DPYSL2: variants seen among roughly 807,000 people sequenced by gnomAD.
DPYSL2 encodes dihydropyrimidinase like 2, also known as dihydropyrimidinase-related protein 2.
In DPYSL2, 13 loss-of-function variants were observed where a neutral mutation model predicts 69.9. That is an observed-to-expected ratio of 0.19 (90% confidence interval 0.12 to 0.30). DPYSL2 has a LOEUF of 0.30. DPYSL2 is among the 10% of genes least tolerant of loss of function. DPYSL2 has a pLI of 1.00. For missense variants in DPYSL2, 587 were observed against 918.9 expected (o/e 0.64, Z 4.67); for synonymous variants, 326 against 359.1 (o/e 0.91, Z 1.04).
intron 13 of DPYSL2, 43 bp from the exon 14 acceptor site, chr8:26,655,572 G>C: frequency 1.3e-6 from 2 of 1,535,722 alleles, no homozygotes; most frequent in Non-Finnish European, 1.8e-6. Flanking sequence ...TTGTGTGACT[G>C]TCCTGGCCCC....
At chr8:26,566,651 C>T (rs1801153392) in intron 1 of DPYSL2, among the ~76,000 whole-genome samples, 1 of 152,124 alleles carries the variant, frequency 6.6e-6, no homozygotes, top group Non-Finnish European at 1.5e-5. Flanking sequence ...GAAAAGAAGA[C>T]ACCCACAGTC....
intron 8 of DPYSL2, among the ~76,000 whole-genome samples, chr8:26,638,188 C>T (rs1439984101): frequency 1.3e-5 from 2 of 152,180 alleles, no homozygotes; most frequent in Non-Finnish European, 1.5e-5. Flanking sequence ...GTTAGCTCCT[C>T]GACTTGCAGG....
chr8:26,601,869 A>G (rs772398693), intron 3 of DPYSL2, among the ~76,000 whole-genome samples: 24 of 152,270 alleles, frequency 1.6e-4, no homozygotes, highest in Non-Finnish European at 2.6e-4. Flanking sequence ...CTAGCTTGAA[A>G]TAAGCTCATA....
intron 1 of DPYSL2, among the ~76,000 whole-genome samples, chr8:26,570,171 G>C (rs1304066194): frequency 1.3e-5 from 2 of 152,192 alleles, no homozygotes; most frequent in East Asian, 3.8e-4. Flanking sequence ...TTTTAGCAGA[G>C]GAGTAGCACA....
chr8:26,551,789 C>A (rs1800878339), intron 1 of DPYSL2, among the ~76,000 whole-genome samples: 1 of 152,012 alleles, frequency 6.6e-6, no homozygotes, highest in African/African-American at 2.4e-5. Context: ...CTGGAAAATC[C>A]CCAAATATTT....
chr8:26,537,611 T>TATACACACACACAC (rs1554533015), intron 1 of DPYSL2, among the ~76,000 whole-genome samples: 4 of 147,546 alleles, frequency 2.7e-5, no homozygotes, highest in Non-Finnish European at 6.0e-5. Context: ...ATTCTCTCTC[T>TATACACACACACAC]ACACACACAC....
At chr8:26,612,245 G>T (rs147039736) in intron 3 of DPYSL2, among the ~76,000 whole-genome samples, 1 of 152,210 alleles carries the variant, frequency 6.6e-6, no homozygotes, top group African/African-American at 2.4e-5. Context: ...TGCATTGCTG[G>T]TGACAGAGTG....
At chr8:26,622,139 T>C (rs1398051525) in intron 3 of DPYSL2, among the ~76,000 whole-genome samples, 1 of 55,070 alleles carries the variant, frequency 1.8e-5, no homozygotes, top group African/African-American at 5.5e-5. Flanking sequence ...CCTTCCTTCC[T>C]TCCTTCCTTC....
chr8:26,654,789 T>G lies in DPYSL2; in HGVS notation c.1943-826T>G, dbSNP rs1177168095. Among the ~76,000 whole-genome samples the G allele has an allele frequency of 6.6e-6, 1 of 152,194 alleles. No individual in the cohort carries two copies. On this transcript the variant is annotated intron_variant, in intron 13 of 13. Coordinates refer to ENST00000521913, the MANE Select transcript of DPYSL2 (RefSeq NM_001197293.3). The surrounding 1 kb of genome is among the most constrained non-coding windows in gnomAD (Gnocchi z 5.0). ...TAGATCCAACAACCTTTATACAGTG[T>G]CTGATTCTTTGGTTACCTTAGGCTC...
rs578162800 is a variant in DPYSL2 at position 26,654,418 on chromosome 8, A to G, written c.1942+1021A>G. The stretch of plus-strand genomic sequence containing the variant: ...GGCGTATTAAAGAAATTGTTAAACC[A>G]GAGAGAATTTTTTTTCTTGGTGGTT... On this transcript the variant is annotated intron_variant, in intron 13 of 13. Coordinates refer to ENST00000521913, the MANE Select transcript of DPYSL2 (RefSeq NM_001197293.3). The surrounding 1 kb of genome is among the most constrained non-coding windows in gnomAD (Gnocchi z 5.0). Among the ~76,000 whole-genome samples, 2 of 152,170 alleles carry G rather than the reference A, an allele frequency of 1.3e-5. No homozygotes were observed. Among genetic ancestry groups the G allele is most frequent in the African/African-American group, 4.8e-5 (2 of 41,510 alleles).
chr8:26,527,314 A>G (rs1404123406), intron 1 of DPYSL2, among the ~76,000 whole-genome samples: 1 of 152,222 alleles, frequency 6.6e-6, no homozygotes, highest in Non-Finnish European at 1.5e-5. Flanking sequence ...TTTTAGAGAT[A>G]TCTTCCTACC....
chr8:26,561,715 A>G (rs1801074022), intron 1 of DPYSL2, among the ~76,000 whole-genome samples: 1 of 152,134 alleles, frequency 6.6e-6, no homozygotes, highest in Non-Finnish European at 1.5e-5. Flanking sequence ...CCCACCTCAG[A>G]TCATCAGGGC....
rs1450942824 is a variant in DPYSL2, at chr8:26,609,900, CA to C, written c.629-14240del. Among the ~76,000 whole-genome samples the C allele has an allele frequency of 1.3e-5, 2 of 152,228 alleles. No individual in the cohort carries two copies. Among genetic ancestry groups the C allele is most frequent in the Non-Finnish European group, 2.9e-5 (2 of 68,040 alleles). On this transcript the variant is annotated intron_variant, in intron 3 of 13. Transcript: ENST00000521913. The surrounding 1 kb of genome is among the most constrained non-coding windows in gnomAD (Gnocchi z 6.5). The stretch of plus-strand genomic sequence containing the variant: ...CTGTTTCCTTAAAACAGCCTTTCCT[CA>C]AACCCAGGAAGTGAAGTAGGGAGCT...
At chr8:26,630,815 C>T (rs73567645) in intron 7 of DPYSL2, among the ~76,000 whole-genome samples, 2,211 of 152,290 alleles carry the variant, frequency 0.015, 60 homozygotes, top group African/African-American at 0.05. Flanking sequence ...CTGCCTGCTA[C>T]CCCAACCCCT....
At position 26,520,296 on chromosome 8, in the gene DPYSL2, A is replaced by G. The variant is rs190787536; in HGVS notation, c.354+5617A>G. Among the ~76,000 whole-genome samples the G allele has an allele frequency of 4.1e-4, 63 of 152,296 alleles. No individual in the cohort carries two copies. In the East Asian group the frequency reaches 9.5e-3, roughly 23 times the overall value. On this transcript the variant is annotated intron_variant, in intron 1 of 13. Transcript: ENST00000521913. ...GTCTTTATTAGCAGGGTGAGAACAG[A>G]CTAATACATAAAGCAACCTACTAAT...
At chr8:26,613,226 G>A (rs1802275550) in intron 3 of DPYSL2, among the ~76,000 whole-genome samples, 1 of 152,206 alleles carries the variant, frequency 6.6e-6, no homozygotes. Flanking sequence ...TTCAGAATGT[G>A]AAATTACAGT....
intron 1 of DPYSL2, chr8:26,578,339 G>A (rs771051756): frequency 6.2e-7 from 1 of 1,613,588 alleles, no homozygotes; most frequent in Non-Finnish European, 8.5e-7. Flanking sequence ...GCCACCTTTT[G>A]TAGCACAGAA....
Position 26,642,491 on chromosome 8 carries a change from T to C in DPYSL2, c.1127-948T>C, listed in dbSNP as rs1333083085. Reference sequence around the variant, plus strand: ...ATTATAGTGGATCACTCTGGAAGTGTCATGCGGAATGAATGGAGAGGTAGG... The same window carrying C: ...ATTATAGTGGATCACTCTGGAAGTGCCATGCGGAATGAATGGAGAGGTAGG... On this transcript the variant is annotated intron_variant, in intron 8 of 13. Transcript: ENST00000521913. This position sits in a 1 kb window ranked among gnomAD's most constrained non-coding sequence, Gnocchi z 5.3. 6.6e-6 allele frequency among the ~76,000 whole-genome samples: 1 copy of C among 152,162 alleles called. No individual in the cohort carries two copies. Among genetic ancestry groups the C allele is most frequent in the Non-Finnish European group, 1.5e-5 (1 of 68,038 alleles).
At chr8:26,631,762 C>T (rs939797882) in intron 7 of DPYSL2, among the ~76,000 whole-genome samples, 2 of 151,512 alleles carry the variant, frequency 1.3e-5, no homozygotes, top group Non-Finnish European at 1.5e-5. Flanking sequence ...CCCAGTGAGG[C>T]GAGGAGGGGG....
Sources: allele counts gnomAD v4.1 joint callset (sites outside exome capture counted in the v4.1 genomes callset), GRCh38; gene constraint gnomAD v4.1.1; non-coding constraint Gnocchi (gnomAD v3.1); transcripts MANE v1.5; gene names NCBI Gene and HGNC (gene_info 2026-07-23, HGNC 2026-07-21).